Variants in KPNA7 observed in about 807,000 individuals in gnomAD.
KPNA7 encodes karyopherin subunit alpha 7, also known as importin subunit alpha-8.
Under a neutral mutation model 53.7 loss-of-function variants are expected in KPNA7, and 54 were observed. The observed-to-expected ratio is 1.01, with a 90% confidence interval of 0.81 to 1.26. The LOEUF is 1.26. KPNA7 is among the 50% of genes most tolerant of loss of function. The pLI, the probability that KPNA7 is intolerant of heterozygous loss-of-function variation, is 0.00. For synonymous variants in KPNA7, 276 were observed against 259.3 expected (o/e 1.06, Z -0.62); for missense variants, 640 against 644.5 (o/e 0.99, Z 0.07).
the KPNA7 span, among the ~76,000 whole-genome samples, chr7:99,163,060 A>T: frequency 2.0e-5 from 3 of 151,848 alleles, no homozygotes; most frequent in Non-Finnish European, 4.4e-5. Flanking sequence ...ACACTCCTAT[A>T]ATCCCAGCTA....
chr7:99,193,229 G>T, intron 5 of KPNA7, 128 bp from the exon 6 acceptor site: 1 of 531,078 alleles, frequency 1.9e-6, no homozygotes, highest in Non-Finnish European at 3.2e-6. Flanking sequence ...CAAGTAGGTA[G>T]TAGAGCCACG....
Position 99,188,408 on chromosome 7 carries a change from T to C in KPNA7, c.792A>G (p.Ala264=), listed in dbSNP as rs1350086252. ...DSEVLSDACW[A]LSYLTDGSNK... ...TGGAGCCGTCGGTGAGGTAGGACAG[T>C]GCCCAGCAGGCATCCGAGAGAACCT... Residue 264 remains alanine (A), a synonymous_variant, in exon 7 of 11, where the codon GCA becomes GCG. Coordinates refer to ENST00000327442, the MANE Select transcript of KPNA7 (RefSeq NM_001145715.3). 3.2e-6 allele frequency: 5 copies of C among 1,551,450 alleles called. No homozygotes were observed. The highest frequency in any genetic ancestry group is 3.5e-6 in the Non-Finnish European group (4 of 1,146,988).
chr7:99,168,679 G>A (rs1462880909), downstream of KPNA7, among the ~76,000 whole-genome samples: 1 of 151,986 alleles, frequency 6.6e-6, no homozygotes, highest in Admixed American at 6.6e-5. Flanking sequence ...TTTTAAATTT[G>A]TAGAGATGGG....
chr7:99,154,220 C>T, the KPNA7 span, among the ~76,000 whole-genome samples: 1 of 151,126 alleles, frequency 6.6e-6, no homozygotes, highest in African/African-American at 2.4e-5. Flanking sequence ...CCTCTGCCTT[C>T]TGGGTTAAAG....
At chr7:99,194,635 C>T (rs1284503204) in intron 5 of KPNA7, among the ~76,000 whole-genome samples, 2 of 152,052 alleles carry the variant, frequency 1.3e-5, no homozygotes, top group Non-Finnish European at 2.9e-5. Flanking sequence ...ACAGAATCTC[C>T]CTCTGTTGCC....
chr7:99,204,258 G>C (rs1790686767), intron 2 of KPNA7, among the ~76,000 whole-genome samples: 1 of 152,080 alleles, frequency 6.6e-6, no homozygotes, highest in Non-Finnish European at 1.5e-5. Flanking sequence ...TGTAGTCCCA[G>C]CTACTTGGGA....
the KPNA7 span, among the ~76,000 whole-genome samples, chr7:99,155,249 C>T: frequency 1.3e-5 from 2 of 152,112 alleles, no homozygotes; most frequent in African/African-American, 2.4e-5. Context: ...CAGCTTGTAG[C>T]TTATGATCCC....
chr7:99,148,280 C>T, the KPNA7 span, among the ~76,000 whole-genome samples: 4 of 152,182 alleles, frequency 2.6e-5, no homozygotes, highest in African/African-American at 4.8e-5. Context: ...GCAGTTTTGA[C>T]CCTGCTTTCT....
At chr7:99,207,988 A>G (rs1178989321) in intron 1 of KPNA7, among the ~76,000 whole-genome samples, 40 bp downstream of exon 1, 1 of 151,628 alleles carries the variant, frequency 6.6e-6, no homozygotes, top group Non-Finnish European at 1.5e-5. Context: ...GAACCCATAT[A>G]CACAGCACAG....
chr7:99,163,872 C>G, the KPNA7 span, among the ~76,000 whole-genome samples: 3 of 152,072 alleles, frequency 2.0e-5, no homozygotes, highest in Non-Finnish European at 2.9e-5. Flanking sequence ...CAGTCTCAAG[C>G]AACAGGAACC....
chr7:99,201,170 G>A (rs116996602), intron 3 of KPNA7, among the ~76,000 whole-genome samples: 280 of 152,264 alleles, frequency 1.8e-3, no homozygotes, highest in Non-Finnish European at 3.1e-3. Context: ...GCAGAAAGTA[G>A]ACTAGTGTTT....
At chr7:99,176,929 C>A (rs1026757155) in intron 10 of KPNA7, among the ~76,000 whole-genome samples, 1 of 152,028 alleles carries the variant, frequency 6.6e-6, no homozygotes, top group African/African-American at 2.4e-5. Flanking sequence ...GCTTACACAC[C>A]CATGTTCATA....
At chr7:99,209,778 T>C (rs912915926), upstream of KPNA7, among the ~76,000 whole-genome samples, 1 of 147,996 alleles carries the variant, frequency 6.8e-6, no homozygotes, top group Admixed American at 6.9e-5. Context: ...GAGGTTAAGG[T>C]GGAGACTTGC....
At chr7:99,157,537 G>T in the KPNA7 span, among the ~76,000 whole-genome samples, 11 of 152,284 alleles carry the variant, frequency 7.2e-5, no homozygotes, top group African/African-American at 2.4e-4. Context: ...CTGATCTTTT[G>T]TATTTGAGAA....
chr7:99,175,874 G>T (rs1798881076), intron 10 of KPNA7, among the ~76,000 whole-genome samples: 1 of 151,902 alleles, frequency 6.6e-6, no homozygotes, highest in African/African-American at 2.4e-5. Context: ...CATCCACCTG[G>T]TCATATTGAT....
chr7:99,188,255 T>C, intron 7 of KPNA7, 45 bp downstream of exon 7: 1 of 1,498,964 alleles, frequency 6.7e-7, no homozygotes, highest in Non-Finnish European at 9.0e-7. Flanking sequence ...CTAAAGTGAC[T>C]ATGACCCGAG....
Position 99,177,960 on chromosome 7 carries a change from C to T in KPNA7, c.1424G>A (p.Gly475Asp). The T allele has an allele frequency of 1.3e-6, 2 of 1,552,050 alleles. No homozygotes were observed. The highest frequency in any genetic ancestry group is 1.7e-6 in the Non-Finnish European group (2 of 1,147,072). Reference sequence around the variant, plus strand: ...CTCGATGATGTTCAAAGCCGACTGGCCAATTTGACGGTTCTCATGCAGCTG... The same window carrying T: ...CTCGATGATGTTCAAAGCCGACTGGTCAATTTGACGGTTCTCATGCAGCTG... The part of the protein sequence containing the change: ...ALQLHENRQI[G>D]QSALNIIEKH... Residue 475 changes from glycine (G) to aspartate (D), a missense_variant, in exon 10 of 11, where the codon GGC becomes GAC. Gly to Asp is a moderately conservative substitution (Grantham distance 94). Coordinates refer to ENST00000327442, the MANE Select transcript of KPNA7 (RefSeq NM_001145715.3).
intron 3 of KPNA7, among the ~76,000 whole-genome samples, chr7:99,200,786 A>G (rs147992739): frequency 0.079 from 12,044 of 152,126 alleles, 510 homozygotes; most frequent in South Asian, 0.15. Context: ...GACCAGCCTG[A>G]ACAACATGGT....
At chr7:99,201,478 A>T (rs1354582921) in intron 3 of KPNA7, among the ~76,000 whole-genome samples, 2 of 152,032 alleles carry the variant, frequency 1.3e-5, no homozygotes, top group African/African-American at 2.4e-5. Context: ...TCGGGCTAAC[A>T]TGGTAAAAAA....
Sources: allele counts gnomAD v4.1 joint callset (sites outside exome capture counted in the v4.1 genomes callset), GRCh38; gene constraint gnomAD v4.1.1; transcripts MANE v1.5; gene names NCBI Gene and HGNC (gene_info 2026-07-23, HGNC 2026-07-21).